UNC5B: variants seen among roughly 807,000 people sequenced by gnomAD.
The protein encoded by UNC5B is netrin receptor UNC5B.
UNC5B carries 56 observed loss-of-function variants against 103.7 expected under a neutral mutation model. The ratio of observed to expected loss-of-function variants is 0.54; its 90% confidence interval spans 0.44 to 0.67. UNC5B has a LOEUF of 0.67. Ranked by LOEUF, UNC5B falls within the 30% of genes least tolerant of loss-of-function variation. The pLI, the probability that UNC5B is intolerant of heterozygous loss-of-function variation, is 0.00. For synonymous variants in UNC5B, 577 were observed against 542.0 expected (o/e 1.06, Z -0.90); for missense variants, 1,194 against 1,284.5 (o/e 0.93, Z 1.08).
chr10:71,223,076 G>A (rs540988483), intron 1 of UNC5B, among the ~76,000 whole-genome samples: 1 of 152,174 alleles, frequency 6.6e-6, no homozygotes, highest in African/African-American at 2.4e-5. Flanking sequence ...GGCAGCCTGC[G>A]TTCTTTCCTT....
chr10:71,258,295 C>A (rs1376666386), intron 1 of UNC5B, among the ~76,000 whole-genome samples: 1 of 152,158 alleles, frequency 6.6e-6, no homozygotes, highest in East Asian at 1.9e-4. Flanking sequence ...CAGGGCCCCC[C>A]ACTCCCCTCC....
intron 14 of UNC5B, among the ~76,000 whole-genome samples, chr10:71,296,204 G>A (rs2132315892): frequency 6.6e-6 from 1 of 152,294 alleles, no homozygotes; most frequent in African/African-American, 2.4e-5. Context: ...CACACGCACA[G>A]ACGACTATGC....
chr10:71,268,229 C>T (rs926625627), intron 1 of UNC5B, among the ~76,000 whole-genome samples: 7 of 152,252 alleles, frequency 4.6e-5, no homozygotes, highest in East Asian at 1.9e-4. Context: ...TCCCTCTCCT[C>T]GTGGCACCAT....
intron 1 of UNC5B, among the ~76,000 whole-genome samples, chr10:71,276,289 A>G (rs915679218): frequency 6.6e-6 from 1 of 152,074 alleles, no homozygotes; most frequent in African/African-American, 2.4e-5. Flanking sequence ...GGCGCCTGGC[A>G]GGGTAAGCAT....
Position 71,295,924 on chromosome 10 carries a change from T to C in UNC5B, c.2289T>C (p.His763=), listed in dbSNP as rs1845399989. ...GCCTCTCCCTCCATGACCTCCCCCA[T>C]GCCCATTGGAGGAGCAAGCTGCTGG... ...NLRLSLHDLP[H]AHWRSKLLAK... The change falls in exon 14 of 17, where the codon CAT becomes CAC. Residue 763 remains histidine (H), a synonymous_variant. Coordinates refer to ENST00000335350, the MANE Select transcript of UNC5B (RefSeq NM_170744.5). 4 of 1,613,182 alleles carry C rather than the reference T, an allele frequency of 2.5e-6. No homozygotes were observed. The highest frequency in any genetic ancestry group is 3.4e-6 in the Non-Finnish European group (4 of 1,180,006).
Position 71,293,385 on chromosome 10 carries a change from T to C in UNC5B, c.1773-20T>C, listed in dbSNP as rs768117486. 5 of 1,605,344 alleles carry C rather than the reference T, an allele frequency of 3.1e-6. No individual in the cohort carries two copies. The highest frequency in any genetic ancestry group is 4.3e-6 in the Non-Finnish European group (5 of 1,174,808). ...GCCGAGCTCTTCACTGCCTCTCTCC[T>C]ACCCTGTGTCCTCCTCCAGCCCGCT... On this transcript the variant is annotated intron_variant, in intron 11 of 16. Coordinates refer to ENST00000335350, the MANE Select transcript of UNC5B (RefSeq NM_170744.5).
chr10:71,264,588 A>G (rs1160945563), intron 1 of UNC5B, among the ~76,000 whole-genome samples: 2 of 152,234 alleles, frequency 1.3e-5, no homozygotes, highest in Non-Finnish European at 2.9e-5. Flanking sequence ...AGTGTTAAGG[A>G]AAAGGAAGCT....
intron 1 of UNC5B, among the ~76,000 whole-genome samples, chr10:71,235,050 A>G (rs76904103): frequency 0.016 from 2,360 of 152,158 alleles, 84 homozygotes; most frequent in East Asian, 0.14. Context: ...CCTGGCTGCA[A>G]TGCCGGGCCC....
Position 71,291,802 on chromosome 10 carries a change from G to A in UNC5B, c.1665G>A (p.Arg555=), listed in dbSNP as rs1409000511. 2 of 1,600,816 alleles carry A rather than the reference G, an allele frequency of 1.2e-6. No individual in the cohort carries two copies. Among genetic ancestry groups the A allele is most frequent in the Admixed American group, 1.7e-5 (1 of 59,780 alleles). Residue 555 remains arginine, a synonymous_variant, in exon 10 of 17, where the codon AGG becomes AGA. Transcript: ENST00000335350. ...VSGTFGCLGG[R]LSIPGTGVSL... ...GCACCTTTGGCTGCCTGGGTGGGAG[G>A]CTCAGCATCCCCGGCACAGGTGAGC... is the stretch of plus-strand genomic sequence containing the variant.
At chr10:71,236,749 C>T (rs1470836175) in intron 1 of UNC5B, among the ~76,000 whole-genome samples, 1 of 152,220 alleles carries the variant, frequency 6.6e-6, no homozygotes, top group Non-Finnish European at 1.5e-5. Flanking sequence ...TCTGCTTCTC[C>T]TCTGGGAGAA....
chr10:71,282,559 C>T (rs1844957429), intron 2 of UNC5B, among the ~76,000 whole-genome samples: 2 of 152,180 alleles, frequency 1.3e-5, no homozygotes, highest in South Asian at 4.1e-4. Flanking sequence ...GGTTCACAGT[C>T]TGGTAAGCAA....
In UNC5B at chr10:71,268,669, A is replaced by G. The variant is rs181660124; in HGVS notation, c.80-11152A>G. The stretch of plus-strand genomic sequence containing the variant: ...GCGAGGAAGGGTTGTTCGGTTCTAG[A>G]GCGTGGCGCTGAGGGAGACGGGGGA... On this transcript the variant is annotated intron_variant, in intron 1 of 16. Coordinates refer to ENST00000335350, the MANE Select transcript of UNC5B (RefSeq NM_170744.5). 5.9e-3 allele frequency among the ~76,000 whole-genome samples: 901 copies of G among 152,262 alleles called. 9 individuals are homozygous for G. The highest frequency in any genetic ancestry group is 0.021 in the African/African-American group (859 of 41,546).
intron 1 of UNC5B, among the ~76,000 whole-genome samples, chr10:71,224,884 T>C (rs1728188136): frequency 6.6e-6 from 1 of 152,186 alleles, no homozygotes; most frequent in Admixed American, 6.5e-5. Context: ...AGACATAAGG[T>C]ACAGTAGGGT....
intron 1 of UNC5B, among the ~76,000 whole-genome samples, chr10:71,215,319 C>A (rs768627828): frequency 6.6e-6 from 1 of 152,128 alleles, no homozygotes; most frequent in Non-Finnish European, 1.5e-5. Flanking sequence ...CCCAGCAGAC[C>A]CTCCCTCCTA....
At chr10:71,249,100 A>T (rs10823706) in intron 1 of UNC5B, among the ~76,000 whole-genome samples, 2 of 151,994 alleles carry the variant, frequency 1.3e-5, no homozygotes, top group African/African-American at 4.8e-5. Flanking sequence ...CCAAGCTTTC[A>T]GTCCCTTTTT....
intron 1 of UNC5B, among the ~76,000 whole-genome samples, chr10:71,263,303 G>T (rs1343831887): frequency 6.6e-6 from 1 of 152,226 alleles, no homozygotes; most frequent in Non-Finnish European, 1.5e-5. Flanking sequence ...TTCCTCATCT[G>T]TCCAAAGGGA....
intron 1 of UNC5B, among the ~76,000 whole-genome samples, chr10:71,223,974 T>C (rs543073105): frequency 3.3e-5 from 5 of 152,296 alleles, no homozygotes; most frequent in South Asian, 2.1e-4. Context: ...CTGGCTGATA[T>C]AGACTCTGGG....
intron 1 of UNC5B, among the ~76,000 whole-genome samples, chr10:71,258,444 G>C (rs1369150601): frequency 6.6e-6 from 1 of 152,110 alleles, no homozygotes; most frequent in Non-Finnish European, 1.5e-5. Flanking sequence ...GTTTCTTGAG[G>C]GTCCCAAGAC....
intron 1 of UNC5B, among the ~76,000 whole-genome samples, chr10:71,258,196 G>T (rs1378269445): frequency 6.6e-6 from 1 of 152,172 alleles, no homozygotes; most frequent in Non-Finnish European, 1.5e-5. Context: ...TCTATCCTGC[G>T]GATGTTGGGC....
Sources: gnomAD v4.1 joint callset for allele counts (sites outside exome capture counted in the v4.1 genomes callset) on GRCh38, gnomAD v4.1.1 for gene constraint, MANE v1.5 for transcripts, NCBI Gene and HGNC (gene_info 2026-07-23, HGNC 2026-07-21) for gene names.